The following AKAP13 variants were observed in gnomAD, a reference collection of about 807,000 sequenced individuals.
The protein encoded by AKAP13 is A-kinase anchor protein 13.
AKAP13 carries 80 observed loss-of-function variants against 264.5 expected under a neutral mutation model. The ratio of observed to expected loss-of-function variants is 0.30; its 90% confidence interval spans 0.25 to 0.36. The LOEUF is 0.36. Among genes scored for constraint, AKAP13 ranks in the 10% least tolerant of loss-of-function variants. The probability of loss-of-function intolerance (pLI) is 1.00; values close to 1 mark genes in which losing one functional copy is unlikely to be tolerated. For missense variants in AKAP13, 3,712 were observed against 3,435.2 expected (o/e 1.08, Z -2.01); for synonymous variants, 1,380 against 1,250.2 (o/e 1.10, Z -2.19).
At chr15:85,624,853 G>T (rs2081342908) in intron 8 of AKAP13, among the ~76,000 whole-genome samples, 1 of 152,230 alleles carries the variant, frequency 6.6e-6, no homozygotes, top group Non-Finnish European at 1.5e-5. Flanking sequence ...GTGGTTTAGG[G>T]ATAATCACAA....
chr15:85,507,946 C>T (rs1452294542), intron 2 of AKAP13, among the ~76,000 whole-genome samples: 3 of 152,172 alleles, frequency 2.0e-5, no homozygotes, highest in African/African-American at 2.4e-5. Context: ...GGCCATGGAT[C>T]CTGGCAAGGA....
At chr15:85,586,309 G>A (rs1263890374) in intron 8 of AKAP13, among the ~76,000 whole-genome samples, 3 of 151,202 alleles carry the variant, frequency 2.0e-5, no homozygotes, top group Non-Finnish European at 4.4e-5. Flanking sequence ...TCCTGCCTTC[G>A]CCTCCTGCCT....
At chr15:85,502,696 G>A (rs2076067679) in intron 2 of AKAP13, among the ~76,000 whole-genome samples, 1 of 152,158 alleles carries the variant, frequency 6.6e-6, no homozygotes, top group Non-Finnish European at 1.5e-5. Context: ...TTGTGGTTAA[G>A]TACTGTGGGT....
chr15:85,636,703 C>T (rs987176843), intron 8 of AKAP13, among the ~76,000 whole-genome samples: 2 of 152,026 alleles, frequency 1.3e-5, no homozygotes, highest in Non-Finnish European at 2.9e-5. Context: ...CAACCTCTGC[C>T]TCCTGGGTTC....
chr15:85,685,039 G>C (rs925614653), intron 16 of AKAP13, 166 bp downstream of exon 16: 1 of 841,424 alleles, frequency 1.2e-6, no homozygotes, highest in African/African-American at 1.7e-5. Flanking sequence ...AAGAAAAATA[G>C]CAAGAAGTGG....
intron 2 of AKAP13, among the ~76,000 whole-genome samples, chr15:85,502,986 GAGACATGGAGAT>G (rs2076076890): frequency 6.6e-6 from 1 of 152,192 alleles, no homozygotes; most frequent in Non-Finnish European, 1.5e-5. Flanking sequence ...AAGAGAGGTA[GAGACATGGAGAT>G]TATGAAATGT....
intron 8 of AKAP13, among the ~76,000 whole-genome samples, chr15:85,622,958 A>G (rs2081258923): frequency 1.3e-5 from 2 of 152,166 alleles, no homozygotes; most frequent in Non-Finnish European, 2.9e-5. Flanking sequence ...TTCCTTCTAC[A>G]ATACTTAGGA....
At chr15:85,669,650 T>C (rs779975360) in intron 13 of AKAP13, 72 bp from the exon 14 acceptor site, 8 of 1,157,142 alleles carry the variant, frequency 6.9e-6, no homozygotes, top group Non-Finnish European at 1.0e-5. Context: ...GGTCTAATTA[T>C]AAGGTTTTAT....
intron 3 of AKAP13, among the ~76,000 whole-genome samples, chr15:85,530,062 A>G (rs923722511): frequency 2.0e-5 from 3 of 152,136 alleles, no homozygotes; most frequent in African/African-American, 4.8e-5. Context: ...TTTTAGTTAT[A>G]CACAGAGCTG....
intron 8 of AKAP13, among the ~76,000 whole-genome samples, chr15:85,638,591 T>A (rs1272108286): frequency 1.3e-5 from 2 of 152,216 alleles, no homozygotes; most frequent in African/African-American, 2.4e-5. Flanking sequence ...TTTAAAAATT[T>A]AAAATTCAAT....
chr15:85,525,650 A>G (rs575419506), intron 3 of AKAP13, among the ~76,000 whole-genome samples: 131 of 152,358 alleles, frequency 8.6e-4, no homozygotes, highest in African/African-American at 2.7e-3. Context: ...AAAATATTCC[A>G]TTATTGTCCC....
chr15:85,715,965 T>C, intron 20 of AKAP13, 42 bp downstream of exon 20: 1 of 1,585,990 alleles, frequency 6.3e-7, no homozygotes, highest in Non-Finnish European at 8.5e-7. Flanking sequence ...GGCATCTAGG[T>C]GACCAGAGCA....
At chr15:85,586,479 C>T (rs1049462672) in intron 8 of AKAP13, among the ~76,000 whole-genome samples, 5 of 152,162 alleles carry the variant, frequency 3.3e-5, no homozygotes, top group African/African-American at 1.2e-4. Context: ...GCTGGGATTA[C>T]AGATGTGAGT....
chr15:85,452,663 G>C (rs1448208510), intron 1 of AKAP13, among the ~76,000 whole-genome samples: 1 of 152,186 alleles, frequency 6.6e-6, no homozygotes, highest in Non-Finnish European at 1.5e-5. Context: ...TAAAGCTTTG[G>C]GGTATGATCC....
At chr15:85,469,624 CT>C (rs1431181765) in intron 1 of AKAP13, among the ~76,000 whole-genome samples, 1 of 152,210 alleles carries the variant, frequency 6.6e-6, no homozygotes, top group Non-Finnish European at 1.5e-5. Flanking sequence ...GATACTGTGA[CT>C]GTTAAGCAGC....
At position 85,566,461 on chromosome 15, in the gene AKAP13, A is replaced by G. The variant is rs544367689; in HGVS notation, c.663-8670A>G. 3.9e-5 allele frequency among the ~76,000 whole-genome samples: 6 copies of G among 152,294 alleles called. No homozygotes were observed. In the East Asian group the frequency reaches 1.2e-3, roughly 29 times the overall value. On this transcript the variant is annotated intron_variant, in intron 5 of 36. Coordinates refer to ENST00000394518, the MANE Select transcript of AKAP13 (RefSeq NM_007200.5). The stretch of plus-strand genomic sequence containing the variant: ...TTAATATTGAGACATTAATGTTGAG[A>G]CAGATGTCATGTATCTTTGTAGCTC...
At chr15:85,691,872 G>A (rs1301050515) in intron 16 of AKAP13, 1 of 491,742 alleles carries the variant, frequency 2.0e-6, no homozygotes, top group African/African-American at 1.9e-5. Flanking sequence ...AGGTCAGAGA[G>A]CACGGCGTAG....
At chr15:85,476,156 G>A (rs2075156987) in intron 1 of AKAP13, among the ~76,000 whole-genome samples, 1 of 152,184 alleles carries the variant, frequency 6.6e-6, no homozygotes, top group Non-Finnish European at 1.5e-5. Flanking sequence ...TGAGCATGGT[G>A]CATGCATGTG....
intron 5 of AKAP13, among the ~76,000 whole-genome samples, chr15:85,550,200 C>G (rs2077906677): frequency 6.6e-6 from 1 of 152,152 alleles, no homozygotes; most frequent in Admixed American, 6.5e-5. Context: ...CAGACGTGAG[C>G]CACTGCACCT....
Sources: gnomAD v4.1 joint callset for allele counts (sites outside exome capture counted in the v4.1 genomes callset) on GRCh38, gnomAD v4.1.1 for gene constraint, MANE v1.5 for transcripts, NCBI Gene and HGNC (gene_info 2026-07-23, HGNC 2026-07-21) for gene names.